WDFY3: variants seen among roughly 807,000 people sequenced by gnomAD.
The protein encoded by WDFY3 is WD repeat and FYVE domain containing 3.
In WDFY3, 66 loss-of-function variants were observed where a neutral mutation model predicts 409.6. That is an observed-to-expected ratio of 0.16 (90% CI 0.13 to 0.20). WDFY3 has a LOEUF of 0.20. WDFY3 is among the 10% of genes least tolerant of loss of function. The pLI is 1.00. For synonymous variants in WDFY3, 1,521 were observed against 1,537.1 expected, an observed-to-expected ratio of 0.99 and a Z score of 0.25; for missense variants, 3,031 against 4,298.1, an observed-to-expected ratio of 0.71 and a Z score of 8.24.
chr4:84,729,555 A>G lies in WDFY3; in HGVS notation c.7222-2644T>C, dbSNP rs190247473. ...AAACTATTAACGCTTTAAAGTCTGA[A>G]TATGTTCCATATTCTATACACAAAC... On this transcript the variant is annotated intron_variant, in intron 44 of 67. Transcript: ENST00000295888. 3.0e-3 allele frequency among the ~76,000 whole-genome samples: 461 copies of G among 152,076 alleles called. 2 individuals carry two copies. The highest frequency in any genetic ancestry group is 0.011 in the African/African-American group (443 of 41,512).
Position 84,716,563 on chromosome 4 carries a change from A to G in WDFY3, c.7875+333T>C, listed in dbSNP as rs1314199095. On this transcript the variant is annotated intron_variant, in intron 49 of 67. Coordinates refer to ENST00000295888, the MANE Select transcript of WDFY3 (RefSeq NM_014991.6). ...TGTAATCCCAGCACTTTGGGAGGCC[A>G]AGGCGGGCGGATCATGAGGTCAGGA... Among the ~76,000 whole-genome samples the G allele has an allele frequency of 4.7e-5, 7 of 148,406 alleles. No homozygotes were observed. The East Asian group carries it at 6.3e-4, about 13-fold the overall frequency.
intron 1 of WDFY3, among the ~76,000 whole-genome samples, chr4:84,943,921 C>T (rs1283657889): frequency 6.6e-6 from 1 of 152,142 alleles, no homozygotes; most frequent in Non-Finnish European, 1.5e-5. Context: ...TGTTGAAGGC[C>T]TCCCTCTTCC....
intron 3 of WDFY3, among the ~76,000 whole-genome samples, chr4:84,873,011 C>G (rs1762327517): frequency 6.6e-6 from 1 of 151,892 alleles, no homozygotes; most frequent in Admixed American, 6.6e-5. Flanking sequence ...GTGTATAGGT[C>G]TAAAAGGAAT....
chr4:84,848,142 A>ATT (rs1758375897), intron 5 of WDFY3, among the ~76,000 whole-genome samples: 1 of 152,098 alleles, frequency 6.6e-6, no homozygotes, highest in East Asian at 1.9e-4. Context: ...GAATAACCAG[A>ATT]CTGAAAGAGT....
chr4:84,742,476 C>T (rs550490503), intron 37 of WDFY3, among the ~76,000 whole-genome samples: 1 of 152,190 alleles, frequency 6.6e-6, no homozygotes. Context: ...AGTGTGTTTG[C>T]CATATACATA....
Position 84,714,949 on chromosome 4 carries a change from C to CAAAAAAAAAA in WDFY3, c.7961+339_7961+348dup, listed in dbSNP as rs770343929. On this transcript the variant is annotated intron_variant, in intron 50 of 67. Transcript: ENST00000295888. Reference sequence around the variant, plus strand: ...TGGGCGACAGAACGAGACTCCGTCTCAAAAAAAAAAAAAAAGAAGAAGAAA... The same window carrying CAAAAAAAAAA: ...TGGGCGACAGAACGAGACTCCGTCTCAAAAAAAAAAAAAAAAAAAAAAAAAGAAGAAGAAA... Among the ~76,000 whole-genome samples, 596 of 73,016 alleles carry CAAAAAAAAAA rather than the reference C, an allele frequency of 8.2e-3. 2 individuals are homozygous for CAAAAAAAAAA. Among genetic ancestry groups the CAAAAAAAAAA allele is most frequent in the African/African-American group, 0.028 (561 of 20,104 alleles). 47.9% of individuals were successfully genotyped at this position (73,016 alleles called of 152,430 possible).
chr4:84,679,841 T>TATATATATAC (rs1235574031), intron 64 of WDFY3, among the ~76,000 whole-genome samples: 31 of 141,258 alleles, frequency 2.2e-4, no homozygotes, highest in African/African-American at 7.9e-4. Context: ...TATATATATA[T>TATATATATAC]ACACACACAC....
intron 58 of WDFY3, among the ~76,000 whole-genome samples, chr4:84,695,553 G>GAGAGAGAGAGAGAGAGAGA (rs1193005670): frequency 7.2e-6 from 1 of 138,220 alleles, no homozygotes; most frequent in African/African-American, 2.7e-5. Flanking sequence ...GAGAGAGAGA[G>GAGAGAGAGAGAGAGAGAGA]GCACGCATAG....
At position 84,837,006 on chromosome 4, in the gene WDFY3, G is replaced by A; in HGVS notation, c.499C>T (p.Pro167Ser). ...LYLFFDLPHV[P>S]EAVGGAQNEL... Reference sequence around the variant, plus strand: ...TTCTGTGCACCTCCAACTGCCTCAGGCACATGTGGAAGGTCAAAAAACAGA... The same window carrying A: ...TTCTGTGCACCTCCAACTGCCTCAGACACATGTGGAAGGTCAAAAAACAGA... The change falls in exon 7 of 68, where the codon CCT becomes TCT. Residue 167 changes from proline to serine, a missense_variant. Around this residue, in one of 16 missense-constraint regions of WDFY3, gnomAD observed 1,322 missense variants for 1,697.9 expected, o/e 0.78. Transcript: ENST00000295888. The A allele has an allele frequency of 6.2e-7, 1 of 1,602,374 alleles. No homozygotes were observed.
chr4:84,817,378 T>G lies in WDFY3; in HGVS notation c.1887+14A>C, dbSNP rs1211753569. 4.3e-6 allele frequency: 7 copies of G among 1,612,810 alleles called. No homozygotes were observed. The highest frequency in any genetic ancestry group is 2.7e-5 in the African/African-American group (2 of 74,950). On this transcript the variant is annotated intron_variant, in intron 13 of 67. Coordinates refer to ENST00000295888, the MANE Select transcript of WDFY3 (RefSeq NM_014991.6). ...TTAGTAGTAAAAGAAGGGAAACACA[T>G]TTATCAAACTTACCCTTAAAATATC... is the stretch of plus-strand genomic sequence containing the variant.
At chr4:84,962,974 G>A (rs187594169) in intron 1 of WDFY3, among the ~76,000 whole-genome samples, 193 of 151,678 alleles carry the variant, frequency 1.3e-3, no homozygotes, top group African/African-American at 4.2e-3. Flanking sequence ...ATGCCCGGTC[G>A]CCATTTATTT....
intron 30 of WDFY3, among the ~76,000 whole-genome samples, chr4:84,772,376 A>G (rs1302843889): frequency 6.6e-6 from 1 of 152,192 alleles, no homozygotes; most frequent in Non-Finnish European, 1.5e-5. Context: ...TTATTTTTAT[A>G]TTATACTTAC....
rs1753481350 is a variant in WDFY3 at position 84,817,578 on chromosome 4, A to C, written c.1701T>G (p.Phe567Leu). The part of the protein sequence containing the change: ...LQGSNTNAGI[F>L]REFGGARCAH... ...CACATCTTGCACCTCCAAATTCTCG[A>C]AAAATTCCTTGAAGGAAGGAGAAAA... is the stretch of plus-strand genomic sequence containing the variant. The change falls in exon 13 of 68, where the codon TTT becomes TTG. Residue 567 changes from phenylalanine (F) to leucine (L), a missense_variant. Phe to Leu is a conservative substitution (Grantham distance 22). This residue lies in a region of WDFY3 where 1,322 missense variants were observed against 1,697.9 expected (regional missense o/e 0.78). Coordinates refer to ENST00000295888, the MANE Select transcript of WDFY3 (RefSeq NM_014991.6). 1 of 1,593,386 alleles carries C rather than the reference A, an allele frequency of 6.3e-7. No individual in the cohort carries two copies. Among genetic ancestry groups the C allele is most frequent in the Non-Finnish European group, 8.6e-7 (1 of 1,168,688 alleles).
At chr4:84,686,196 C>A (rs1055191897) in intron 62 of WDFY3, among the ~76,000 whole-genome samples, 3 of 152,152 alleles carry the variant, frequency 2.0e-5, no homozygotes, top group Non-Finnish European at 4.4e-5. Context: ...ATCCCAGCTA[C>A]TCAGGAGGCT....
intron 3 of WDFY3, among the ~76,000 whole-genome samples, chr4:84,878,986 G>A (rs1050269833): frequency 9.2e-5 from 14 of 152,114 alleles, no homozygotes; most frequent in African/African-American, 3.1e-4. Context: ...TTACTCTGCC[G>A]ATAATGTGGC....
chr4:84,796,433 T>A, intron 19 of WDFY3, 88 bp downstream of exon 19: 1 of 736,670 alleles, frequency 1.4e-6, no homozygotes, highest in Non-Finnish European at 2.0e-6. Flanking sequence ...TATATTTTAA[T>A]TAAGTATATT....
At chr4:84,896,332 G>A (rs1303783551) in intron 3 of WDFY3, among the ~76,000 whole-genome samples, 2 of 151,886 alleles carry the variant, frequency 1.3e-5, no homozygotes, top group East Asian at 1.9e-4. Flanking sequence ...GAGTTCAAGA[G>A]AGGAAAATCA....
chr4:84,805,314 T>C (rs1226457057), intron 15 of WDFY3, among the ~76,000 whole-genome samples: 1 of 152,174 alleles, frequency 6.6e-6, no homozygotes, highest in East Asian at 1.9e-4. Flanking sequence ...ATATAATTAT[T>C]ACAGTAGTAC....
chr4:84,783,321 C>T (rs541164880), intron 24 of WDFY3, among the ~76,000 whole-genome samples: 2 of 152,226 alleles, frequency 1.3e-5, no homozygotes, highest in East Asian at 3.9e-4. Context: ...GGCGAGACCC[C>T]CATCTCTACT....
Sources: gnomAD v4.1 joint callset for allele counts (sites outside exome capture counted in the v4.1 genomes callset) on GRCh38, gnomAD v4.1.1 for gene constraint, gnomAD v4.1.1 regional missense constraint, MANE v1.5 for transcripts, NCBI Gene and HGNC (gene_info 2026-07-23, HGNC 2026-07-21) for gene names.